Variants in USP12 observed in about 807,000 individuals in gnomAD.
USP12 encodes the protein ubiquitin carboxyl-terminal hydrolase 12.
USP12 carries 19 observed loss-of-function variants against 45.5 expected under a neutral mutation model. That is an observed-to-expected ratio of 0.42 (90% confidence interval 0.29 to 0.61). USP12 has a LOEUF of 0.61. USP12 is among the 20% of genes least tolerant of loss of function. The pLI is 0.22. For missense variants in USP12, 242 were observed against 447.7 expected (o/e 0.54, Z 4.15); for synonymous variants, 149 against 148.8 (o/e 1.00, Z -0.01).
In USP12 at chr13:27,171,667, ACAGCGG is replaced by A. The variant is rs1555240796; in HGVS notation, c.-34_-29del. The A allele has an allele frequency of 8.5e-7, 1 of 1,183,408 alleles. No homozygotes were observed. Among genetic ancestry groups the A allele is most frequent in the South Asian group, 1.5e-5 (1 of 65,926 alleles). 73.3% of individuals were successfully genotyped at this position (1,183,408 alleles called of 1,614,324 possible). A position where few individuals can be genotyped will look rare whatever the true frequency, so the allele number is the denominator to read the frequency against. ...GGCCAGCGCCATCTTCCACCCAATC[ACAGCGG>A]CGGCGGCGGGCGGGGGAGGAGGGGA... is the stretch of plus-strand genomic sequence containing the variant. On this transcript the variant is annotated 5_prime_UTR_variant, in exon 1 of 9. Coordinates refer to ENST00000282344, the MANE Select transcript of USP12 (RefSeq NM_182488.4).
intron 1 of USP12, chr13:27,162,861 G>A (rs1878170949): frequency 6.6e-6 from 1 of 152,058 alleles, no homozygotes; most frequent in Admixed American, 6.6e-5. Flanking sequence ...TTCCCTCAGA[G>A]TTTGAATGGT....
intron 2 of USP12, among the ~76,000 whole-genome samples, chr13:27,115,586 C>T (rs2137796683): frequency 6.6e-6 from 1 of 152,254 alleles, no homozygotes; most frequent in East Asian, 1.9e-4. Flanking sequence ...TACAGTACAA[C>T]AGTATAAAAT....
intron 1 of USP12, among the ~76,000 whole-genome samples, chr13:27,142,191 G>T (rs916231965): frequency 6.6e-6 from 1 of 152,166 alleles, no homozygotes; most frequent in Non-Finnish European, 1.5e-5. Flanking sequence ...CAGGCCAGTA[G>T]AAATGGTCTG....
intron 2 of USP12, among the ~76,000 whole-genome samples, chr13:27,112,155 T>C (rs966958564): frequency 2.0e-5 from 3 of 152,170 alleles, no homozygotes; most frequent in Non-Finnish European, 4.4e-5. Context: ...TACTAAACTG[T>C]TGTTTACCAG....
intron 6 of USP12, among the ~76,000 whole-genome samples, chr13:27,080,747 C>T (rs527987131): frequency 1.3e-5 from 2 of 152,064 alleles, no homozygotes; most frequent in Non-Finnish European, 2.9e-5. Context: ...AAGTGAAGAC[C>T]GCAATAAAGC....
Position 27,066,787 on chromosome 13 carries a change from C to A in USP12, c.*2496G>T, listed in dbSNP as rs1181271634. 1 of 152,230 alleles carries A rather than the reference C, an allele frequency of 6.6e-6. No homozygotes were observed. Among genetic ancestry groups the A allele is most frequent in the Non-Finnish European group, 1.5e-5 (1 of 68,042 alleles). The allele number at this position is 152,230 out of a possible 1,614,324, so 9.4% of individuals were successfully genotyped here. ...GCAATCAGCCACCACTTACAACTTA[C>A]ACCAGCCCCGCATTTTAATCACAGT... is the stretch of plus-strand genomic sequence containing the variant. On this transcript the variant is annotated 3_prime_UTR_variant, in exon 9 of 9. Coordinates refer to ENST00000282344, the MANE Select transcript of USP12 (RefSeq NM_182488.4).
intron 1 of USP12, among the ~76,000 whole-genome samples, chr13:27,157,373 T>TC (rs1952093155): frequency 6.6e-6 from 1 of 152,156 alleles, no homozygotes; most frequent in Admixed American, 6.5e-5. Flanking sequence ...TGTACATAAT[T>TC]CCCCGTCATT....
At chr13:27,095,116 C>G (rs989719811) in intron 4 of USP12, among the ~76,000 whole-genome samples, 2 of 152,196 alleles carry the variant, frequency 1.3e-5, no homozygotes, top group African/African-American at 2.4e-5. Context: ...GATTGGGCCA[C>G]TGCACTCCAG....
chr13:27,078,255 T>TA, intron 6 of USP12, among the ~76,000 whole-genome samples: 1 of 151,988 alleles, frequency 6.6e-6, no homozygotes, highest in Non-Finnish European at 1.5e-5. Flanking sequence ...TAATACCATT[T>TA]AAAAAAATAC....
chr13:27,165,409 T>C (rs1878306509), intron 1 of USP12, among the ~76,000 whole-genome samples: 1 of 152,178 alleles, frequency 6.6e-6, no homozygotes, highest in Non-Finnish European at 1.5e-5. Context: ...ACAAAACAAA[T>C]TTCCATTTTG....
chr13:27,095,541 G>A (rs1874536057), intron 4 of USP12, 60 bp downstream of exon 4: 4 of 1,229,722 alleles, frequency 3.3e-6, no homozygotes, highest in Non-Finnish European at 4.4e-6. Flanking sequence ...CTTTCTCAAA[G>A]AACAACCTTT....
At chr13:27,089,767 T>C (rs1874230447) in intron 6 of USP12, 116 bp downstream of exon 6, 6 of 935,228 alleles carry the variant, frequency 6.4e-6, no homozygotes, top group Admixed American at 2.5e-5. Flanking sequence ...CTGTTAGTGA[T>C]AGAATTAAGA....
At chr13:27,151,626 T>TA (rs1486488902) in intron 1 of USP12, among the ~76,000 whole-genome samples, 3 of 151,426 alleles carry the variant, frequency 2.0e-5, no homozygotes, top group African/African-American at 4.9e-5. Context: ...CTACAAAAAG[T>TA]AAAAAATTAG....
chr13:27,100,099 C>T lies in USP12; in HGVS notation c.344-4269G>A, dbSNP rs186825479. 1.7e-4 allele frequency among the ~76,000 whole-genome samples: 26 copies of T among 152,292 alleles called. No homozygotes were observed. The East Asian group carries it at 3.7e-3, about 21-fold the overall frequency. ...TTCTCAGCAGTCCACTCCATCCCTC[C>T]GAGGCCGGGCCAAGTCATGCATAGA... On this transcript the variant is annotated intron_variant, in intron 3 of 8. Coordinates refer to ENST00000282344, the MANE Select transcript of USP12 (RefSeq NM_182488.4).
intron 6 of USP12, among the ~76,000 whole-genome samples, chr13:27,081,635 G>C (rs1175723272): frequency 5.9e-5 from 9 of 152,180 alleles, no homozygotes; most frequent in Non-Finnish European, 1.3e-4. Flanking sequence ...ATCCTTTCCA[G>C]AGGGGTTTCA....
At chr13:27,171,130 A>C (rs8002642) in intron 1 of USP12, among the ~76,000 whole-genome samples, 7,820 of 146,632 alleles carry the variant, frequency 0.053, 342 homozygotes, top group African/African-American at 0.13. Flanking sequence ...GCGCGCGACC[A>C]GAAGGAAATG....
intron 1 of USP12, among the ~76,000 whole-genome samples, chr13:27,122,217 G>C (rs1364077519): frequency 6.7e-6 from 1 of 149,628 alleles, no homozygotes; most frequent in East Asian, 1.9e-4. Context: ...TAGGAACCTG[G>C]TAAGAAATAA....
At chr13:27,163,441 A>AATT (rs1255383923) in intron 1 of USP12, among the ~76,000 whole-genome samples, 7 of 152,168 alleles carry the variant, frequency 4.6e-5, no homozygotes, top group Non-Finnish European at 1.5e-5. Flanking sequence ...ACTCTCTTCT[A>AATT]AGAAGCTTTT....
intron 1 of USP12, among the ~76,000 whole-genome samples, chr13:27,138,553 T>C (rs1259543412): frequency 6.6e-6 from 1 of 152,204 alleles, no homozygotes; most frequent in Non-Finnish European, 1.5e-5. Context: ...CTGGAGAGGT[T>C]AGATAAGCAC....
Sources: gnomAD v4.1 joint callset for allele counts (sites outside exome capture counted in the v4.1 genomes callset) on GRCh38, gnomAD v4.1.1 for gene constraint, MANE v1.5 for transcripts, NCBI Gene and HGNC (gene_info 2026-07-23, HGNC 2026-07-21) for gene names.